Variants in PRDM16 observed in about 807,000 individuals in gnomAD.
PRDM16 encodes histone-lysine N-methyltransferase PRDM16.
A neutral mutation model predicts 110.6 loss-of-function variants in PRDM16; 23 were observed. The ratio of observed to expected loss-of-function variants is 0.21; its 90% confidence interval spans 0.15 to 0.29. The LOEUF is 0.29. Ranked by LOEUF, PRDM16 falls within the 10% of genes least tolerant of loss-of-function variation. The pLI is 1.00. For synonymous variants in PRDM16, 799 were observed against 781.8 expected, an observed-to-expected ratio of 1.02 and a Z score of -0.37; for missense variants, 1,615 against 1,794.3, an observed-to-expected ratio of 0.90 and a Z score of 1.81.
chr1:3,084,826 C>T (rs771246879), intron 1 of PRDM16, among the ~76,000 whole-genome samples: 26 of 152,134 alleles, frequency 1.7e-4, no homozygotes, highest in Non-Finnish European at 3.4e-4. Context: ...TGCAGGCTGT[C>T]GGGGGGCAGG....
intron 5 of PRDM16, among the ~76,000 whole-genome samples, chr1:3,398,032 A>G (rs17822581): frequency 0.16 from 23,935 of 152,218 alleles, 2,234 homozygotes; most frequent in Middle Eastern, 0.27. Context: ...GCCATTGAGA[A>G]AAGAAAAATC....
chr1:3,277,773 A>ATG (rs1640622586), intron 3 of PRDM16, among the ~76,000 whole-genome samples: 6 of 145,334 alleles, frequency 4.1e-5, no homozygotes, highest in Admixed American at 7.0e-5. Flanking sequence ...ACGCGCACAC[A>ATG]CACGCACACA....
rs1313184674 is a variant in PRDM16 at position 3,208,867 on chromosome 1, A to G, written c.387+22393A>G. Among the ~76,000 whole-genome samples, 1 of 152,140 alleles carries G rather than the reference A, an allele frequency of 6.6e-6. No individual in the cohort carries two copies. The highest frequency in any genetic ancestry group is 1.5e-5 in the Non-Finnish European group (1 of 68,022). ...CCTCTTGCTCCCTGAGTGCCTGTCC[A>G]GAGGCCCCCCCAGGTCCCCACGAGT... On this transcript the variant is annotated intron_variant, in intron 2 of 16. Transcript: ENST00000270722. The surrounding 1 kb of genome is among the most constrained non-coding windows in gnomAD (Gnocchi z 6.1).
intron 4 of PRDM16, among the ~76,000 whole-genome samples, chr1:3,393,969 G>A (rs1233707112): frequency 6.6e-6 from 1 of 152,160 alleles, no homozygotes; most frequent in Non-Finnish European, 1.5e-5. Flanking sequence ...CCAGGGAGGG[G>A]GAGCCCGCGG....
At chr1:3,186,830 TG>T (rs1644274535) in intron 2 of PRDM16, among the ~76,000 whole-genome samples, 1 of 152,190 alleles carries the variant, frequency 6.6e-6, no homozygotes, top group Non-Finnish European at 1.5e-5. Context: ...AACAGGCAGC[TG>T]CACTCCAGGG....
chr1:3,114,687 C>T lies in PRDM16; in HGVS notation c.37+45391C>T, dbSNP rs113678562. On this transcript the variant is annotated intron_variant, in intron 1 of 16. Coordinates refer to ENST00000270722, the MANE Select transcript of PRDM16 (RefSeq NM_022114.4). ...ACAAACACACATGCACACATGCACC[C>T]GGGTGCACACACACACAGAGGGAAG... is the stretch of plus-strand genomic sequence containing the variant. Among the ~76,000 whole-genome samples the T allele has an allele frequency of 8.5e-5, 13 of 152,342 alleles. 1 individual carries two copies. Among genetic ancestry groups the T allele is most frequent in the Admixed American group, 2.6e-4 (4 of 15,302 alleles).
rs1640032892 is a variant in PRDM16 at position 3,255,871 on chromosome 1, C to T, written c.438+11734C>T. Among the ~76,000 whole-genome samples the T allele has an allele frequency of 6.8e-6, 1 of 147,982 alleles. No homozygotes were observed. The highest frequency in any genetic ancestry group is 6.7e-5 in the Admixed American group (1 of 14,984). ...CCGCACCGACACCCGAAGCCAACCCCGTGGCCGCACTGACACCCGAAGCCA... is the reference window on the plus strand; with the variant it reads ...CCGCACCGACACCCGAAGCCAACCCTGTGGCCGCACTGACACCCGAAGCCA... On this transcript the variant is annotated intron_variant, in intron 3 of 16. Coordinates refer to ENST00000270722, the MANE Select transcript of PRDM16 (RefSeq NM_022114.4). This position sits in a 1 kb window ranked among gnomAD's most constrained non-coding sequence, Gnocchi z 4.7.
chr1:3,282,432 C>G (rs1290077849), intron 3 of PRDM16, among the ~76,000 whole-genome samples: 4 of 152,236 alleles, frequency 2.6e-5, no homozygotes, highest in African/African-American at 9.6e-5. Flanking sequence ...TCACCCTCAG[C>G]AGAACCTGGG....
chr1:3,137,247 C>T (rs529835448), intron 1 of PRDM16, among the ~76,000 whole-genome samples: 6 of 152,352 alleles, frequency 3.9e-5, no homozygotes, highest in African/African-American at 1.4e-4. Context: ...GGCAGCTGAG[C>T]TCTTCTCCCC....
intron 8 of PRDM16, among the ~76,000 whole-genome samples, chr1:3,410,787 G>T (rs1207830582): frequency 6.6e-6 from 1 of 152,184 alleles, no homozygotes; most frequent in Non-Finnish European, 1.5e-5. Flanking sequence ...GAGCCAGCTT[G>T]CCCTGAATCC....
intron 1 of PRDM16, among the ~76,000 whole-genome samples, chr1:3,126,076 C>T (rs1425071139): frequency 6.6e-6 from 1 of 152,238 alleles, no homozygotes; most frequent in Non-Finnish European, 1.5e-5. Context: ...TAATCCTCTC[C>T]CTCTTGCAAT....
chr1:3,164,084 C>T (rs541835227), intron 1 of PRDM16, among the ~76,000 whole-genome samples: 2 of 152,376 alleles, frequency 1.3e-5, no homozygotes, highest in African/African-American at 4.8e-5. Flanking sequence ...GGGCCACTGG[C>T]CCGCTGCGCC....
At chr1:3,239,117 G>A (rs756136059) in intron 2 of PRDM16, among the ~76,000 whole-genome samples, 3 of 152,182 alleles carry the variant, frequency 2.0e-5, no homozygotes, top group Admixed American at 6.5e-5. Flanking sequence ...CAGCACCCAC[G>A]GCTTCCATTT....
At position 3,359,579 on chromosome 1, in the gene PRDM16, C is replaced by T. The variant is rs1173285948; in HGVS notation, c.439-25573C>T. Among the ~76,000 whole-genome samples the T allele has an allele frequency of 1.3e-5, 2 of 152,162 alleles. No homozygotes were observed. The highest frequency in any genetic ancestry group is 2.9e-5 in the Non-Finnish European group (2 of 68,024). On this transcript the variant is annotated intron_variant, in intron 3 of 16. Coordinates refer to ENST00000270722, the MANE Select transcript of PRDM16 (RefSeq NM_022114.4). This position sits in a 1 kb window ranked among gnomAD's most constrained non-coding sequence, Gnocchi z 4.3. Reference sequence around the variant, plus strand: ...TCTCTCCCTGCAGCTACTCCAGGCTCGGGTTTCAGCCTCCCCTCCACCTGT... The same window carrying T: ...TCTCTCCCTGCAGCTACTCCAGGCTTGGGTTTCAGCCTCCCCTCCACCTGT...
chr1:3,156,559 A>C (rs544844689), intron 1 of PRDM16, among the ~76,000 whole-genome samples: 364 of 152,300 alleles, frequency 2.4e-3, no homozygotes, highest in African/African-American at 8.5e-3. Context: ...CTCCTGGTAG[A>C]GGCAGGAGCT....
intron 2 of PRDM16, among the ~76,000 whole-genome samples, chr1:3,232,133 T>C (rs16823576): frequency 0.06 from 9,138 of 152,298 alleles, 706 homozygotes; most frequent in African/African-American, 0.17. Context: ...TGCAACAGAT[T>C]GGAAACATTC....
chr1:3,369,878 G>A (rs576575905), intron 3 of PRDM16, among the ~76,000 whole-genome samples: 1 of 152,316 alleles, frequency 6.6e-6, no homozygotes, highest in East Asian at 1.9e-4. Context: ...TTCTTTATAG[G>A]GATTGGCAAG....
chr1:3,433,580 CG>C, intron 16 of PRDM16, 96 bp from the exon 17 acceptor site: 1 of 440,148 alleles, frequency 2.3e-6, no homozygotes, highest in East Asian at 4.1e-5. Context: ...TGGGATGGCC[CG>C]CCCTGCCCAC....
At chr1:3,367,016 C>T (rs1333185992) in intron 3 of PRDM16, among the ~76,000 whole-genome samples, 1 of 152,178 alleles carries the variant, frequency 6.6e-6, no homozygotes, top group Non-Finnish European at 1.5e-5. Context: ...GCCTGTAATC[C>T]CATCACTCTG....
Sources: gnomAD v4.1 joint callset for allele counts (sites outside exome capture counted in the v4.1 genomes callset) on GRCh38, gnomAD v4.1.1 for gene constraint, Gnocchi (gnomAD v3.1) non-coding constraint, MANE v1.5 for transcripts, NCBI Gene and HGNC (gene_info 2026-07-23, HGNC 2026-07-21) for gene names.